The following RUSF1 variants were observed in gnomAD, a reference collection of about 807,000 sequenced individuals.
The protein encoded by RUSF1 is RUS family member 1.
A neutral mutation model predicts 63.0 loss-of-function variants in RUSF1; 58 were observed. The observed-to-expected ratio is 0.92, with a 90% CI of 0.75 to 1.15. The LOEUF (loss-of-function observed/expected upper bound fraction) is 1.15, where lower values mean the gene tolerates loss of function less well. Among genes scored for constraint, RUSF1 ranks in the 50% most tolerant of loss-of-function variants. The pLI is 0.00. For synonymous variants in RUSF1, 274 were observed against 255.8 expected (o/e 1.07, Z -0.68); for missense variants, 652 against 611.0 (o/e 1.07, Z -0.71).
At chr16:31,501,652 G>T (rs1013563691) in intron 2 of RUSF1, among the ~76,000 whole-genome samples, 3 of 151,400 alleles carry the variant, frequency 2.0e-5, no homozygotes, top group African/African-American at 7.3e-5. Flanking sequence ...CAGAGGGACA[G>T]GCCTCCTTAG....
Position 31,492,287 on chromosome 16 carries a change from C to A in RUSF1, c.1141G>T (p.Ala381Ser). ...CCAAGCATCAGCCCATGTGTGGCGG[C>A]CCTTAGGATGGTCTTGGGGCCTGCC... ...QKAGPKTILRAATHGLMLGAL... is the reference protein window; with the variant it reads ...QKAGPKTILRSATHGLMLGAL... The change falls in exon 11 of 13, where the codon GCC becomes TCC. Residue 381 changes from alanine (A) to serine (S), a missense_variant. By Grantham distance (99) the Ala-to-Ser change is moderately conservative. Coordinates refer to ENST00000327237, the MANE Select transcript of RUSF1 (RefSeq NM_022744.4). The A allele has an allele frequency of 6.2e-7, 1 of 1,612,062 alleles. No homozygotes were observed. The highest frequency in any genetic ancestry group is 8.5e-7 in the Non-Finnish European group (1 of 1,178,956).
chr16:31,497,218 G>T (rs867679731), intron 5 of RUSF1, among the ~76,000 whole-genome samples: 1 of 151,634 alleles, frequency 6.6e-6, no homozygotes. Context: ...TCTCAGCCCA[G>T]AACTCCCAGC....
intron 2 of RUSF1, among the ~76,000 whole-genome samples, chr16:31,505,579 G>C (rs1047616619): frequency 1.3e-5 from 2 of 152,146 alleles, no homozygotes; most frequent in Non-Finnish European, 2.9e-5. Flanking sequence ...TGACAATGAA[G>C]AGGATACTGT....
Position 31,497,086 on chromosome 16 carries a change from C to T in RUSF1, c.601-136G>A, listed in dbSNP as rs115439145. 936 of 651,768 alleles carry T rather than the reference C, an allele frequency of 1.4e-3. 9 individuals are homozygous for T. In the African/African-American group the frequency reaches 0.016, roughly 11 times the overall value. 40.4% of individuals were successfully genotyped at this position (651,768 alleles called of 1,614,324 possible). A position where few individuals can be genotyped will look rare whatever the true frequency, so the allele number is the denominator to read the frequency against. On this transcript the variant is annotated intron_variant, in intron 5 of 12. Coordinates refer to ENST00000327237, the MANE Select transcript of RUSF1 (RefSeq NM_022744.4). ...TGGCATCTAGTTCTCACCTTGATGCCCCCTAGGCTCAACTTCCCTGTCCTG... is the reference window on the plus strand; with the variant it reads ...TGGCATCTAGTTCTCACCTTGATGCTCCCTAGGCTCAACTTCCCTGTCCTG...
At position 31,499,348 on chromosome 16, in the gene RUSF1, T is replaced by TATAC. The variant is rs1242562234; in HGVS notation, c.550_553dup (p.Tyr185CysfsTer43). On this transcript the variant is annotated frameshift_variant, in exon 5 of 13. Transcript: ENST00000327237. LOFTEE classifies it high-confidence loss of function. ...GACGGTCATGGTGAAACAGATTGGG[T>TATAC]ATACAGGAGCCATAATCTCAAGGAA... The TATAC allele has an allele frequency of 6.2e-7, 1 of 1,613,776 alleles. No individual in the cohort carries two copies. The highest frequency in any genetic ancestry group is 1.1e-5 in the South Asian group (1 of 91,070).
In RUSF1 at chr16:31,493,492, C is replaced by T; in HGVS notation, c.991G>A (p.Val331Ile). Residue 331 changes from valine to isoleucine, a missense_variant, in exon 9 of 13, where the codon GTC (valine) becomes ATC (isoleucine). Val to Ile is a conservative substitution (Grantham distance 29). Transcript: ENST00000327237. ...CTGGAGACCAAGCGGTGTAAGGGGACCCCCAGGGATAGAGACGGAGCTGGC... is the reference window on the plus strand; with the variant it reads ...CTGGAGACCAAGCGGTGTAAGGGGATCCCCAGGGATAGAGACGGAGCTGGC... ...FWPAPSLSLG[V>I]PLHRLVSSVF... 1 of 1,611,168 alleles carries T rather than the reference C, an allele frequency of 6.2e-7. No homozygotes were observed.
chr16:31,490,230 G>T lies in RUSF1; in HGVS notation c.*605C>A. On this transcript the variant is annotated 3_prime_UTR_variant, in exon 13 of 13. Transcript: ENST00000327237. ...CCCAGAGAGTGCCATGGAGATGAAT[G>T]GTAGGGCACCATGCTGGGAGGTGGG... 6.2e-7 allele frequency: 1 copy of T among 1,614,130 alleles called. No individual in the cohort carries two copies. Among genetic ancestry groups the T allele is most frequent in the Non-Finnish European group, 8.5e-7 (1 of 1,180,012 alleles).
Position 31,489,992 on chromosome 16 carries a change from G to A in RUSF1, c.*843C>T, listed in dbSNP as rs2082546906. The A allele has an allele frequency of 1.4e-6, 2 of 1,430,514 alleles. No individual in the cohort carries two copies. The highest frequency in any genetic ancestry group is 1.9e-6 in the Non-Finnish European group (2 of 1,032,550). 88.6% of individuals were successfully genotyped at this position (1,430,514 alleles called of 1,614,324 possible). On this transcript the variant is annotated 3_prime_UTR_variant, in exon 13 of 13. Coordinates refer to ENST00000327237, the MANE Select transcript of RUSF1 (RefSeq NM_022744.4). ...GAGTTAAGCCTGGGCTGGGTGTGTA[G>A]ACTGGACAGAGGTGGGTAGGGCAGG...
chr16:31,499,234 GC>G (rs2082619547), intron 5 of RUSF1, 67 bp downstream of exon 5: 1 of 1,380,490 alleles, frequency 7.2e-7, no homozygotes, highest in Non-Finnish European at 1.0e-6. Flanking sequence ...AACTCACAGA[GC>G]CCAGGTAAAC....
chr16:31,495,380 G>A (rs181852672), intron 6 of RUSF1, among the ~76,000 whole-genome samples: 44 of 152,322 alleles, frequency 2.9e-4, no homozygotes, highest in African/African-American at 8.7e-4. Context: ...GGGAGTTCAG[G>A]AGCTCCTCTC....
chr16:31,493,052 T>G lies in RUSF1; in HGVS notation c.1017-4A>C. ...CAGCTGCTGCAGCTCAAAGACACTG[T>G]GGGGGAGAGGACAGTGCAGTGGGGG... On this transcript the variant is annotated splice_polypyrimidine_tract_variant and splice_region_variant and intron_variant, in intron 9 of 12. Transcript: ENST00000327237. 1 of 1,613,466 alleles carries G rather than the reference T, an allele frequency of 6.2e-7. No homozygotes were observed. Among genetic ancestry groups the G allele is most frequent in the Non-Finnish European group, 8.5e-7 (1 of 1,179,766 alleles).
At chr16:31,503,210 G>T (rs777862095) in intron 2 of RUSF1, among the ~76,000 whole-genome samples, 3 of 152,142 alleles carry the variant, frequency 2.0e-5, no homozygotes, top group African/African-American at 4.8e-5. Context: ...ACCACAAATT[G>T]TACTTGGCTC....
chr16:31,507,871 G>T lies in RUSF1; in HGVS notation c.308C>A (p.Ala103Asp). 1.3e-6 allele frequency: 2 copies of T among 1,558,842 alleles called. No individual in the cohort carries two copies. The highest frequency in any genetic ancestry group is 8.7e-7 in the Non-Finnish European group (1 of 1,150,758). Residue 103 changes from alanine to aspartate, a missense_variant, in exon 2 of 13, where the codon GCT (alanine) becomes GAT (aspartate). Coordinates refer to ENST00000327237, the MANE Select transcript of RUSF1 (RefSeq NM_022744.4). ...GGCTAGGGAGCCGGAGAGGCTGGAA[G>T]CAAACGCCTGGAGAAGAAAACAAGT... is the stretch of plus-strand genomic sequence containing the variant. ...YQLWDSVQAFASSLSGSLATQ... is the reference protein window; with the variant it reads ...YQLWDSVQAFDSSLSGSLATQ...
At chr16:31,492,472 C>T in intron 10 of RUSF1, 132 bp from the exon 11 acceptor site, 1 of 1,041,516 alleles carries the variant, frequency 9.6e-7, no homozygotes, top group Non-Finnish European at 1.3e-6. Flanking sequence ...TCACCCTTTC[C>T]TTTCCAATTC....
chr16:31,505,162 C>G (rs2082651863), intron 2 of RUSF1, among the ~76,000 whole-genome samples: 2 of 152,162 alleles, frequency 1.3e-5, no homozygotes, highest in South Asian at 4.1e-4. Flanking sequence ...GGCGGCAATG[C>G]TGCTCTGCTA....
At chr16:31,497,320 T>C (rs2082609050) in intron 5 of RUSF1, among the ~76,000 whole-genome samples, 1 of 151,976 alleles carries the variant, frequency 6.6e-6, no homozygotes, top group Non-Finnish European at 1.5e-5. Flanking sequence ...CCTCCTGTAA[T>C]TCCTCTACTC....
chr16:31,504,398 A>G (rs899583505), intron 2 of RUSF1, among the ~76,000 whole-genome samples: 2 of 151,950 alleles, frequency 1.3e-5, no homozygotes, highest in African/African-American at 4.8e-5. Context: ...CTTCCTGAGT[A>G]GCTGGGATTC....
At chr16:31,504,956 T>C (rs2082650690) in intron 2 of RUSF1, among the ~76,000 whole-genome samples, 1 of 152,148 alleles carries the variant, frequency 6.6e-6, no homozygotes, top group Non-Finnish European at 1.5e-5. Context: ...CCATTCTCCA[T>C]TCTCGATTAA....
At chr16:31,507,285 A>G (rs1463039623) in intron 2 of RUSF1, among the ~76,000 whole-genome samples, 6 of 152,280 alleles carry the variant, frequency 3.9e-5, no homozygotes, top group Middle Eastern at 3.4e-3. Flanking sequence ...GTACATATTC[A>G]GCAGATAGTC....
Sources: gnomAD v4.1 joint callset for allele counts (sites outside exome capture counted in the v4.1 genomes callset) on GRCh38, gnomAD v4.1.1 for gene constraint, MANE v1.5 for transcripts, NCBI Gene and HGNC (gene_info 2026-07-23, HGNC 2026-07-21) for gene names.